SIRPB1: variants seen among roughly 807,000 people sequenced by gnomAD.
The protein encoded by SIRPB1 is signal regulatory protein beta 1.
In SIRPB1, 28 loss-of-function variants were observed where a neutral mutation model predicts 34.1. The observed-to-expected ratio is 0.82, with a 90% CI of 0.61 to 1.12. The LOEUF (loss-of-function observed/expected upper bound fraction) is 1.12. Ranked by LOEUF, SIRPB1 falls within the 50% of genes most tolerant of loss-of-function variation. The pLI is 0.00. For missense variants in SIRPB1, 499 were observed against 507.0 expected (o/e 0.98, Z 0.15); for synonymous variants, 211 against 203.8 (o/e 1.04, Z -0.30).
At position 1,619,632 on chromosome 20, in the gene SIRPB1, CA is replaced by C. The variant is rs1211423373; in HGVS notation, c.76+236del. ...TCTGCTTTTTCAATTGAAATATTAT[CA>C]AAATGTAAGTAATTGTTGTTGTGGT... On this transcript the variant is annotated intron_variant, in intron 1 of 5. Coordinates refer to ENST00000381605, the MANE Select transcript of SIRPB1 (RefSeq NM_006065.5). Among the ~76,000 whole-genome samples the C allele has an allele frequency of 5.9e-5, 9 of 152,264 alleles. No homozygotes were observed. The East Asian group carries it at 1.5e-3, about 26-fold the overall frequency.
rs568240706 is a variant in SIRPB1, at chr20:1,563,099, G to A, written c.*2401C>T. Among the ~76,000 whole-genome samples, 3 of 152,316 alleles carry A rather than the reference G, an allele frequency of 2.0e-5. No homozygotes were observed. The South Asian group carries it at 6.2e-4, about 32-fold the overall frequency. On this transcript the variant is annotated 3_prime_UTR_variant, in exon 6 of 6. Coordinates refer to ENST00000381605, the MANE Select transcript of SIRPB1 (RefSeq NM_006065.5). Reference sequence around the variant, plus strand: ...GCCAGCAAAAAACTTCACATGAAAGGATCTTCTGGAGTGATTCCACAATAT... The same window carrying A: ...GCCAGCAAAAAACTTCACATGAAAGAATCTTCTGGAGTGATTCCACAATAT...
Position 1,578,349 on chromosome 20 carries a change from A to G in SIRPB1, c.422T>C (p.Leu141Pro), listed in dbSNP as rs2091347807. ...CACGCTGTACTCACCGCGCACAGAC[A>G]GCTCAGTGCCTGCTCCAGACTTAAA... ...VEFKSGAGTE[L>P]SVRAKPSAPV... Residue 141 changes from leucine to proline, a missense_variant, in exon 2 of 6, where the codon CTG becomes CCG. Leu to Pro is a moderately conservative substitution (Grantham distance 98, BLOSUM62 -3). Transcript: ENST00000381605. 2 of 1,585,522 alleles carry G rather than the reference A, an allele frequency of 1.3e-6. No homozygotes were observed. Among genetic ancestry groups the G allele is most frequent in the South Asian group, 1.1e-5 (1 of 90,510 alleles).
intron 3 of SIRPB1, 89 bp from the exon 4 acceptor site, chr20:1,571,226 A>G: frequency 7.5e-7 from 1 of 1,329,208 alleles, no homozygotes; most frequent in Non-Finnish European, 1.0e-6. Context: ...CAACACAGTG[A>G]GGGCATCACC....
chr20:1,567,583 T>G (rs139953393), intron 4 of SIRPB1, among the ~76,000 whole-genome samples: 7 of 152,176 alleles, frequency 4.6e-5, no homozygotes, highest in Non-Finnish European at 1.0e-4. Flanking sequence ...AAGTTGGGAA[T>G]CTGATTACTC....
At chr20:1,615,404 G>A (rs578176106) in intron 1 of SIRPB1, among the ~76,000 whole-genome samples, 50 of 152,162 alleles carry the variant, frequency 3.3e-4, no homozygotes, top group South Asian at 2.1e-3. Flanking sequence ...CTTTCCTGTC[G>A]TACTCTTTAA....
At chr20:1,571,366 A>G (rs771523546) in intron 3 of SIRPB1, among the ~76,000 whole-genome samples, 5 of 152,218 alleles carry the variant, frequency 3.3e-5, no homozygotes, top group Non-Finnish European at 5.9e-5. Context: ...TAGGCTAAGG[A>G]TGAGTGAAAT....
At chr20:1,569,623 G>GAAA (rs1600097492) in intron 4 of SIRPB1, among the ~76,000 whole-genome samples, 1 of 152,258 alleles carries the variant, frequency 6.6e-6, no homozygotes, top group Non-Finnish European at 1.5e-5. Context: ...AGGAGATGAC[G>GAAA]CAAACATCAT....
intron 2 of SIRPB1, among the ~76,000 whole-genome samples, chr20:1,576,724 T>A (rs1568688584): frequency 6.7e-6 from 1 of 148,530 alleles, no homozygotes; most frequent in Non-Finnish European, 1.5e-5. Flanking sequence ...CTGAACAACA[T>A]GGAGAAACCC....
intron 2 of SIRPB1, among the ~76,000 whole-genome samples, chr20:1,574,644 T>C (rs1408734950): frequency 6.9e-6 from 1 of 145,874 alleles, no homozygotes; most frequent in African/African-American, 2.5e-5. Context: ...TGCCCTGACC[T>C]GTCTGAGGTC....
chr20:1,617,201 A>C (rs1363048160), intron 1 of SIRPB1, among the ~76,000 whole-genome samples: 1 of 152,228 alleles, frequency 6.6e-6, no homozygotes, highest in Non-Finnish European at 1.5e-5. Flanking sequence ...ATACATCCAA[A>C]GGAAATGACA....
At position 1,567,767 on chromosome 20, in the gene SIRPB1, TA is replaced by T. The variant is rs372135380; in HGVS notation, c.1085-1501del. ...TGAAAACAGATTGGGAAATGGTCGT[TA>T]TAAGAACTAAGGTGTTAGCTGTTGC... On this transcript the variant is annotated intron_variant, in intron 4 of 5. Coordinates refer to ENST00000381605, the MANE Select transcript of SIRPB1 (RefSeq NM_006065.5). 6.5e-3 allele frequency among the ~76,000 whole-genome samples: 992 copies of T among 152,288 alleles called. 8 individuals carry two copies. Among genetic ancestry groups the T allele is most frequent in the African/African-American group, 0.02 (827 of 41,542 alleles).
In SIRPB1 at chr20:1,612,771, G is replaced by A. The variant is rs534725278; in HGVS notation, c.76+7098C>T. On this transcript the variant is annotated intron_variant, in intron 1 of 5. Coordinates refer to ENST00000381605, the MANE Select transcript of SIRPB1 (RefSeq NM_006065.5). ...CAAAACTTAGTGTCTTAAAACAAAT[G>A]TAACATTTTATAGTTCTGGGGGTTA... Among the ~76,000 whole-genome samples the A allele has an allele frequency of 5.5e-5, 4 of 72,780 alleles. 2 individuals carry two copies. The highest frequency in any genetic ancestry group is 1.0e-4 in the Non-Finnish European group (4 of 38,798). 47.7% of individuals were successfully genotyped at this position (72,780 alleles called of 152,430 possible).
chr20:1,571,726 T>C lies in SIRPB1; in HGVS notation c.745A>G (p.Ile249Val), dbSNP rs753360288. ...LRGTANLSEA[I>V]RVPPTLEVTQ... is the part of the protein sequence containing the mutation. ...GGGTGTGAGGGTCTTCTACCTCGGA[T>C]GGCCTCAGACAAGTTGGCAGTCCCA... Residue 249 changes from isoleucine to valine, a missense_variant, in exon 3 of 6, where the codon ATC becomes GTC. By Grantham distance (29) the Ile-to-Val change is conservative. Coordinates refer to ENST00000381605, the MANE Select transcript of SIRPB1 (RefSeq NM_006065.5). The C allele has an allele frequency of 3.1e-6, 5 of 1,614,054 alleles. No homozygotes were observed. The Admixed American group carries it at 5.0e-5, about 16-fold the overall frequency.
rs1225151687 is a variant in SIRPB1 at position 1,588,098 on chromosome 20, G to A, written c.77-9404C>T. Among the ~76,000 whole-genome samples, 2 of 48,182 alleles carry A rather than the reference G, an allele frequency of 4.2e-5. 1 individual carries two copies. The highest frequency in any genetic ancestry group is 8.0e-5 in the Non-Finnish European group (2 of 25,120). 31.6% of individuals were successfully genotyped at this position (48,182 alleles called of 152,430 possible). A position where few individuals can be genotyped will look rare whatever the true frequency, so the allele number is the denominator to read the frequency against. ...AATAAGGAGCACCCTTAGGGAGGACGGTGGCTGAACATCCCTGGGAAACAC... is the reference window on the plus strand; with the variant it reads ...AATAAGGAGCACCCTTAGGGAGGACAGTGGCTGAACATCCCTGGGAAACAC... On this transcript the variant is annotated intron_variant, in intron 1 of 5. Coordinates refer to ENST00000381605, the MANE Select transcript of SIRPB1 (RefSeq NM_006065.5).
At chr20:1,568,222 T>C (rs2091170204) in intron 4 of SIRPB1, among the ~76,000 whole-genome samples, 1 of 152,160 alleles carries the variant, frequency 6.6e-6, no homozygotes, top group Admixed American at 6.5e-5. Context: ...TAAATATTGC[T>C]TGAAGAGAGA....
At chr20:1,611,834 A>C (rs201926419) in intron 1 of SIRPB1, 1 of 386,334 alleles carries the variant, frequency 2.6e-6, no homozygotes, top group Non-Finnish European at 4.2e-6. Context: ...TGAGCTCAGC[A>C]CACTACACGT....
Position 1,572,072 on chromosome 20 carries a change from C to T in SIRPB1, c.434-35G>A, listed in dbSNP as rs751433945. ...GACCATCGATAATCAGGAGACATGA[C>T]TCAGATGACCATCACTGATGATAAG... On this transcript the variant is annotated intron_variant, in intron 2 of 5. Coordinates refer to ENST00000381605, the MANE Select transcript of SIRPB1 (RefSeq NM_006065.5). The T allele has an allele frequency of 2.2e-5, 35 of 1,613,360 alleles. No individual in the cohort carries two copies. The South Asian group carries it at 3.6e-4, about 17-fold the overall frequency.
At chr20:1,588,611 G>T (rs1440649097) in intron 1 of SIRPB1, 1 of 596,760 alleles carries the variant, frequency 1.7e-6, no homozygotes, top group Admixed American at 3.1e-5. Flanking sequence ...GGAGGGTGGG[G>T]CCAGGAGGCT....
At chr20:1,617,995 A>G (rs2091655521) in intron 1 of SIRPB1, among the ~76,000 whole-genome samples, 1 of 152,090 alleles carries the variant, frequency 6.6e-6, no homozygotes, top group African/African-American at 2.4e-5. Flanking sequence ...ATATGTATAT[A>G]TACACACACA....
Sources: gnomAD v4.1 joint callset for allele counts (sites outside exome capture counted in the v4.1 genomes callset) on GRCh38, gnomAD v4.1.1 for gene constraint, MANE v1.5 for transcripts, NCBI Gene and HGNC (gene_info 2026-07-23, HGNC 2026-07-21) for gene names.